The following ARMC8 variants were observed in gnomAD, a reference collection of about 807,000 sequenced individuals.
The protein encoded by ARMC8 is armadillo repeat-containing protein 8.
ARMC8 carries 20 observed loss-of-function variants against 99.3 expected under a neutral mutation model. That is an observed-to-expected ratio of 0.20 (90% CI 0.14 to 0.29). ARMC8 has a LOEUF of 0.29. Ranked by LOEUF, ARMC8 falls within the 10% of genes least tolerant of loss-of-function variation. The pLI is 1.00. For synonymous variants in ARMC8, 263 were observed against 278.3 expected, an observed-to-expected ratio of 0.95 and a Z score of 0.55; for missense variants, 569 against 809.5, an observed-to-expected ratio of 0.70 and a Z score of 3.60.
intron 1 of ARMC8, among the ~76,000 whole-genome samples, chr3:138,195,625 C>G (rs1408665662): frequency 6.6e-6 from 1 of 152,020 alleles, no homozygotes; most frequent in East Asian, 1.9e-4. Context: ...TTTTTCAATT[C>G]TGATTTGGCA....
intron 16 of ARMC8, 122 bp from the exon 17 acceptor site, chr3:138,272,845 C>T (rs2048922801): frequency 1.1e-5 from 10 of 890,532 alleles, no homozygotes; most frequent in Non-Finnish European, 1.6e-5. Flanking sequence ...GCACACCAGC[C>T]TGGGCGACAG....
chr3:138,224,105 C>T (rs1011517577), intron 5 of ARMC8, among the ~76,000 whole-genome samples: 1 of 151,874 alleles, frequency 6.6e-6, no homozygotes. Context: ...ATTACAGGCG[C>T]GTGCCACCAC....
At chr3:138,268,668 C>G (rs1303674470) in intron 15 of ARMC8, among the ~76,000 whole-genome samples, 1 of 151,884 alleles carries the variant, frequency 6.6e-6, no homozygotes, top group African/African-American at 2.4e-5. Flanking sequence ...TCTAGCTACT[C>G]GAGAGGCCGA....
chr3:138,202,225 T>C (rs75471818), intron 1 of ARMC8, among the ~76,000 whole-genome samples: 5,718 of 152,324 alleles, frequency 0.038, 358 homozygotes, highest in African/African-American at 0.13. Context: ...AACCACTGGT[T>C]TAAACATTCA....
chr3:138,240,624 T>G (rs2046565084), intron 10 of ARMC8, among the ~76,000 whole-genome samples: 1 of 152,224 alleles, frequency 6.6e-6, no homozygotes, highest in Admixed American at 6.5e-5. Context: ...AACCTAGGGT[T>G]GAATTATAAA....
At chr3:138,264,855 CA>C (rs1392047826) in intron 14 of ARMC8, among the ~76,000 whole-genome samples, 10 of 150,136 alleles carry the variant, frequency 6.7e-5, no homozygotes, top group Admixed American at 4.6e-4. Context: ...CTGCCATTTA[CA>C]GAGATAATGT....
intron 16 of ARMC8, among the ~76,000 whole-genome samples, chr3:138,270,852 T>C (rs2048723443): frequency 6.6e-6 from 1 of 152,208 alleles, no homozygotes; most frequent in East Asian, 1.9e-4. Flanking sequence ...AAATTGTAAA[T>C]AGAGTAATCC....
chr3:138,245,441 A>G (rs1346458813), intron 12 of ARMC8: 1 of 1,366,282 alleles, frequency 7.3e-7, no homozygotes, highest in Non-Finnish European at 9.4e-7. Flanking sequence ...AATATGAATT[A>G]TTATGTTGCA....
At chr3:138,221,244 T>C (rs902846958) in intron 2 of ARMC8, among the ~76,000 whole-genome samples, 2 of 152,206 alleles carry the variant, frequency 1.3e-5, no homozygotes, top group Non-Finnish European at 1.5e-5. Context: ...AAGAGATAAC[T>C]GGCTGCTTAA....
At chr3:138,246,530 T>C in intron 12 of ARMC8, 1 of 985,684 alleles carries the variant, frequency 1.0e-6, no homozygotes, top group Non-Finnish European at 1.2e-6. Context: ...GTAACTTAAA[T>C]ACACAATTAT....
At position 138,222,119 on chromosome 3, in the gene ARMC8, T is replaced by C. The variant is rs7643452; in HGVS notation, c.194+122T>C. ...TCTAATTCTTAAAATAAATCCTATT[T>C]TTAAAAATAAATGTAAGTATTTAAA... On this transcript the variant is annotated intron_variant, in intron 3 of 21. Transcript: ENST00000469044. The C allele has an allele frequency of 0.012, 8,115 of 698,378 alleles. 483 individuals are homozygous for C. The African/African-American group carries it at 0.13, about 11-fold the overall frequency. 43.3% of individuals were successfully genotyped at this position (698,378 alleles called of 1,614,324 possible).
chr3:138,267,767 T>C (rs900609570), intron 15 of ARMC8, among the ~76,000 whole-genome samples: 3 of 152,152 alleles, frequency 2.0e-5, no homozygotes, highest in Non-Finnish European at 4.4e-5. Context: ...AACTAAAATA[T>C]ACCTTAATGA....
At chr3:138,234,700 G>A (rs2046240871) in intron 6 of ARMC8, among the ~76,000 whole-genome samples, 1 of 152,206 alleles carries the variant, frequency 6.6e-6, no homozygotes, top group African/African-American at 2.4e-5. Context: ...CTCTATTGCT[G>A]TGGTGGCATT....
At chr3:138,235,704 T>TA (rs2046294709) in intron 7 of ARMC8, among the ~76,000 whole-genome samples, 1 of 152,120 alleles carries the variant, frequency 6.6e-6, no homozygotes, top group Admixed American at 6.5e-5. Context: ...TGTGTAACAT[T>TA]AGAGTTGGGT....
At chr3:138,235,177 CA>C (rs2046264669) in intron 7 of ARMC8, 63 bp downstream of exon 7, 8 of 1,127,050 alleles carry the variant, frequency 7.1e-6, no homozygotes, top group Non-Finnish European at 1.1e-5. Context: ...GAAACAGACC[CA>C]CATATTTTTA....
chr3:138,255,392 C>T (rs1412651046), intron 12 of ARMC8, among the ~76,000 whole-genome samples: 3 of 151,810 alleles, frequency 2.0e-5, no homozygotes, highest in East Asian at 3.9e-4. Flanking sequence ...TTAGTAGAGA[C>T]GGGGTTTCAC....
Position 138,262,428 on chromosome 3 carries a change from C to T in ARMC8, c.1135-1311C>T, listed in dbSNP as rs1576824077. 4.1e-6 allele frequency: 5 copies of T among 1,226,930 alleles called. 1 individual carries two copies. In the East Asian group the frequency reaches 7.1e-5, roughly 17 times the overall value. The allele number at this position is 1,226,930 out of a possible 1,614,324, so 76.0% of individuals were successfully genotyped here. Reference sequence around the variant, plus strand: ...CCCTGTTCTTAATAGATGATATTTTCCCTGATCATTGTTAATTTCAACAAT... The same window carrying T: ...CCCTGTTCTTAATAGATGATATTTTTCCTGATCATTGTTAATTTCAACAAT... On this transcript the variant is annotated intron_variant, in intron 12 of 21. Coordinates refer to ENST00000469044, the MANE Select transcript of ARMC8 (RefSeq NM_001363941.2).
In ARMC8 at chr3:138,221,955, A is replaced by G; in HGVS notation, c.152A>G (p.Asn51Ser). ...IDMKNAVIGN[N>S]KQKANLIVLG... is the part of the protein sequence containing the mutation. ...ATGAAAAATGCTGTAATTGGAAACA[A>G]CAAGCAGAAAGCCAATCTCATTGTT... Residue 51 changes from asparagine (N) to serine (S), a missense_variant, in exon 3 of 22, where the codon AAC becomes AGC. Coordinates refer to ENST00000469044, the MANE Select transcript of ARMC8 (RefSeq NM_001363941.2). The G allele has an allele frequency of 6.2e-7, 1 of 1,613,694 alleles. No homozygotes were observed. The highest frequency in any genetic ancestry group is 8.5e-7 in the Non-Finnish European group (1 of 1,179,758).
At chr3:138,194,288 C>G (rs2043570684) in intron 1 of ARMC8, among the ~76,000 whole-genome samples, 1 of 151,392 alleles carries the variant, frequency 6.6e-6, no homozygotes, top group Non-Finnish European at 1.5e-5. Flanking sequence ...CGTGATCCGC[C>G]CGCCGCGGCC....
Sources: gnomAD v4.1 joint callset for allele counts (sites outside exome capture counted in the v4.1 genomes callset) on GRCh38, gnomAD v4.1.1 for gene constraint, MANE v1.5 for transcripts, NCBI Gene and HGNC (gene_info 2026-07-23, HGNC 2026-07-21) for gene names.